The following USH2A variants were observed in gnomAD, a reference collection of about 807,000 sequenced individuals.
The protein encoded by USH2A is usherin.
In USH2A, 443 loss-of-function variants were observed where a neutral mutation model predicts 538.9. The ratio of observed to expected loss-of-function variants is 0.82; its 90% CI spans 0.76 to 0.89. The LOEUF (loss-of-function observed/expected upper bound fraction) is 0.89, where lower values mean the gene tolerates loss of function less well. Among genes scored for constraint, USH2A ranks in the 40% least tolerant of loss-of-function variants. The pLI is 0.00. For synonymous variants in USH2A, 2,413 were observed against 2,273.5 expected, an observed-to-expected ratio of 1.06 and a Z score of -1.75; for missense variants, 6,633 against 6,324.8, an observed-to-expected ratio of 1.05 and a Z score of -1.65.
chr1:216,275,283 T>G (rs960796189), intron 11 of USH2A, among the ~76,000 whole-genome samples: 25 of 152,080 alleles, frequency 1.6e-4, no homozygotes, highest in South Asian at 4.1e-4. Flanking sequence ...AACTATACAG[T>G]GTGGTCTTAT....
intron 38 of USH2A, among the ~76,000 whole-genome samples, chr1:215,915,828 A>T (rs1187915160): frequency 6.6e-6 from 1 of 151,962 alleles, no homozygotes; most frequent in Non-Finnish European, 1.5e-5. Context: ...AAAATGTGGC[A>T]CATATACACC....
intron 15 of USH2A, among the ~76,000 whole-genome samples, chr1:216,211,021 TG>T (rs2035230877): frequency 1.9e-5 from 1 of 53,956 alleles, no homozygotes. Flanking sequence ...TGGGGGGTGG[TG>T]GGGGTACAGG....
At position 216,201,027 on chromosome 1, in the gene USH2A, T is replaced by C. The variant is rs945959635; in HGVS notation, c.3317-906A>G. Among the ~76,000 whole-genome samples, 16 of 116,880 alleles carry C rather than the reference T, an allele frequency of 1.4e-4. No homozygotes were observed. The Admixed American group carries it at 1.4e-3, about 10-fold the overall frequency. 76.7% of individuals were successfully genotyped at this position (116,880 alleles called of 152,430 possible). ...TCCCTCCCTCCCTTCCTTCCTTCCTTCCTTCCTTCCTTCCTTCCTTCCTTC... is the reference window on the plus strand; with the variant it reads ...TCCCTCCCTCCCTTCCTTCCTTCCTCCCTTCCTTCCTTCCTTCCTTCCTTC... On this transcript the variant is annotated intron_variant, in intron 16 of 71. Coordinates refer to ENST00000307340, the MANE Select transcript of USH2A (RefSeq NM_206933.4).
intron 61 of USH2A, among the ~76,000 whole-genome samples, chr1:215,709,053 G>A (rs913849193): frequency 1.3e-5 from 2 of 152,086 alleles, no homozygotes; most frequent in Non-Finnish European, 2.9e-5. Flanking sequence ...CTTCCTTCAA[G>A]CTCCTTATCA....
chr1:216,071,824 C>T (rs2031568401), intron 29 of USH2A, among the ~76,000 whole-genome samples: 1 of 152,182 alleles, frequency 6.6e-6, no homozygotes, highest in Admixed American at 6.6e-5. Flanking sequence ...GGAGCTTTCT[C>T]TTAGCTCTGA....
chr1:216,087,047 C>A (rs982749475), intron 23 of USH2A: 8 of 488,696 alleles, frequency 1.6e-5, no homozygotes, highest in African/African-American at 1.4e-4. Flanking sequence ...CCTTTCTCTA[C>A]CCATAGGCAC....
chr1:215,884,150 A>T (rs1664988797), intron 41 of USH2A, among the ~76,000 whole-genome samples: 1 of 152,206 alleles, frequency 6.6e-6, no homozygotes, highest in African/African-American at 2.4e-5. Flanking sequence ...AGGGTTTGAT[A>T]GGTGCAACAA....
chr1:215,709,141 G>A (rs1659264850), intron 61 of USH2A, among the ~76,000 whole-genome samples: 1 of 152,102 alleles, frequency 6.6e-6, no homozygotes, highest in Non-Finnish European at 1.5e-5. Context: ...AAATGATCAA[G>A]AACACTCAGG....
chr1:216,305,511 A>C (rs1019294539), intron 9 of USH2A, among the ~76,000 whole-genome samples: 2 of 151,798 alleles, frequency 1.3e-5, no homozygotes, highest in African/African-American at 4.8e-5. Flanking sequence ...ATTTACATTC[A>C]ATGTTAGTGT....
In USH2A at chr1:216,300,295, C is replaced by T. The variant is rs576393208; in HGVS notation, c.1645-7925G>A. Among the ~76,000 whole-genome samples the T allele has an allele frequency of 3.9e-5, 6 of 152,316 alleles. No homozygotes were observed. In the East Asian group the frequency reaches 1.2e-3, roughly 29 times the overall value. On this transcript the variant is annotated intron_variant, in intron 9 of 71. Transcript: ENST00000307340. ...GTTTTCTATTTCATGTTTTCCCAAT[C>T]TCCAGTTGATCATTTGTCACTTTCA...
chr1:216,366,139 T>A (rs1481321868), intron 3 of USH2A, among the ~76,000 whole-genome samples: 2 of 152,076 alleles, frequency 1.3e-5, no homozygotes, highest in African/African-American at 4.8e-5. Flanking sequence ...ATTGGTACTC[T>A]AATTAGTGAA....
intron 32 of USH2A, among the ~76,000 whole-genome samples, chr1:216,027,307 A>C (rs182087182): frequency 6.6e-6 from 1 of 152,210 alleles, no homozygotes; most frequent in Non-Finnish European, 1.5e-5. Context: ...CATTGCAAGA[A>C]GGCGGCAATT....
At chr1:216,185,646 T>C (rs970621213) in intron 20 of USH2A, among the ~76,000 whole-genome samples, 1 of 151,864 alleles carries the variant, frequency 6.6e-6, no homozygotes, top group Non-Finnish European at 1.5e-5. Context: ...CAAATTGCAA[T>C]GTTAATAGTA....
At chr1:215,763,604 G>T (rs560544999) in intron 56 of USH2A, among the ~76,000 whole-genome samples, 12 of 152,276 alleles carry the variant, frequency 7.9e-5, no homozygotes, top group African/African-American at 2.6e-4. Flanking sequence ...GTTAAAACTT[G>T]AGGGGTCCAT....
intron 49 of USH2A, among the ~76,000 whole-genome samples, chr1:215,802,995 C>T (rs909597213): frequency 8.6e-5 from 13 of 152,044 alleles, no homozygotes; most frequent in African/African-American, 3.1e-4. Context: ...AATCAATAAA[C>T]ATAATCCAGC....
At chr1:216,296,106 T>A (rs1215584774) in intron 9 of USH2A, among the ~76,000 whole-genome samples, 1 of 151,732 alleles carries the variant, frequency 6.6e-6, no homozygotes, top group East Asian at 1.9e-4. Context: ...ACAAAGTGAG[T>A]TTTTTCTACT....
intron 44 of USH2A, among the ~76,000 whole-genome samples, chr1:215,849,688 T>C (rs1663966735): frequency 6.6e-6 from 1 of 152,094 alleles, no homozygotes; most frequent in African/African-American, 2.4e-5. Context: ...TCATGGAATA[T>C]TGAAACATTT....
intron 32 of USH2A, among the ~76,000 whole-genome samples, chr1:216,035,403 G>A (rs9970049): frequency 1.2e-4 from 19 of 152,046 alleles, no homozygotes; most frequent in African/African-American, 2.4e-4. Flanking sequence ...GCCAAATATC[G>A]CCAGCAAACA....
rs776586269 is a variant in USH2A at position 215,878,915 on chromosome 1, G to A, written c.8407C>T (p.Leu2803Phe). Residue 2803 changes from leucine to phenylalanine, a missense_variant, in exon 42 of 72, where the codon CTT (leucine) becomes TTT (phenylalanine). Leu to Phe is a conservative substitution (Grantham distance 22). Transcript: ENST00000307340. Reference protein sequence around the residue: ...IVACSGGNGYLGGCTESLPTY... With the variant: ...IVACSGGNGYFGGCTESLPTY... ...GGTAAACTCTCTGTGCACCCTCCAAGGTACCCATTACCCCCTGAGCAAGCA... is the reference window on the plus strand; with the variant it reads ...GGTAAACTCTCTGTGCACCCTCCAAAGTACCCATTACCCCCTGAGCAAGCA... 1 of 1,614,004 alleles carries A rather than the reference G, an allele frequency of 6.2e-7. No homozygotes were observed. Among genetic ancestry groups the A allele is most frequent in the Non-Finnish European group, 8.5e-7 (1 of 1,179,970 alleles).
Sources: allele counts gnomAD v4.1 joint callset (sites outside exome capture counted in the v4.1 genomes callset), GRCh38; gene constraint gnomAD v4.1.1; transcripts MANE v1.5; gene names NCBI Gene and HGNC (gene_info 2026-07-23, HGNC 2026-07-21).